TTLL5: variants seen among roughly 807,000 people sequenced by gnomAD.
The protein encoded by TTLL5 is tubulin polyglutamylase TTLL5.
In TTLL5, 132 loss-of-function variants were observed where a neutral mutation model predicts 168.4. The observed-to-expected ratio is 0.78, with a 90% CI of 0.68 to 0.91. The LOEUF is 0.91. Among genes scored for constraint, TTLL5 ranks in the 40% least tolerant of loss-of-function variants. The pLI is 0.00. For synonymous variants in TTLL5, 546 were observed against 558.6 expected, an observed-to-expected ratio of 0.98 and a Z score of 0.32; for missense variants, 1,545 against 1,581.5, an observed-to-expected ratio of 0.98 and a Z score of 0.39.
intron 28 of TTLL5, among the ~76,000 whole-genome samples, chr14:75,844,511 T>G (rs1896439312): frequency 6.6e-6 from 1 of 152,204 alleles, no homozygotes; most frequent in East Asian, 1.9e-4. Flanking sequence ...CATCAAGACT[T>G]AGGTTCAAAA....
chr14:75,932,157 ACTT>A (rs1363064761), intron 31 of TTLL5, among the ~76,000 whole-genome samples: 3 of 152,202 alleles, frequency 2.0e-5, no homozygotes, highest in Non-Finnish European at 2.9e-5. Context: ...CTACTTCTGT[ACTT>A]CTTGTGTCCT....
intron 30 of TTLL5, among the ~76,000 whole-genome samples, chr14:75,900,674 T>C (rs1406637791): frequency 6.6e-6 from 1 of 152,190 alleles, no homozygotes; most frequent in Admixed American, 6.5e-5. Flanking sequence ...CAAGCCCCTT[T>C]CTGCCTCAGA....
At chr14:75,713,101 G>C (rs770560121) in intron 9 of TTLL5, among the ~76,000 whole-genome samples, 4 of 152,168 alleles carry the variant, frequency 2.6e-5, no homozygotes, top group African/African-American at 9.7e-5. Flanking sequence ...TGACTCCATC[G>C]TGTAAATTTT....
At chr14:75,711,225 G>A (rs974663571) in intron 9 of TTLL5, 2 of 152,176 alleles carry the variant, frequency 1.3e-5, no homozygotes, top group South Asian at 4.1e-4. Flanking sequence ...TGGTATTTGG[G>A]TGCAGCTTTT....
chr14:75,830,859 TC>T (rs983412089), intron 28 of TTLL5, among the ~76,000 whole-genome samples: 3 of 152,190 alleles, frequency 2.0e-5, no homozygotes, highest in African/African-American at 7.2e-5. Context: ...ATTGCAGTCT[TC>T]CTGCAACCTT....
intron 30 of TTLL5, among the ~76,000 whole-genome samples, chr14:75,898,378 A>AT (rs1182543959): frequency 5.9e-5 from 9 of 152,176 alleles, no homozygotes; most frequent in Admixed American, 5.9e-4. Context: ...GCAGTGGCTT[A>AT]TATCTATAGT....
chr14:75,663,440 G>A (rs757951397), intron 2 of TTLL5, among the ~76,000 whole-genome samples: 1 of 152,152 alleles, frequency 6.6e-6, no homozygotes, highest in Admixed American at 6.5e-5. Context: ...AATGAGATAA[G>A]GCTCTCTTTC....
chr14:75,793,138 C>T (rs371599747), intron 27 of TTLL5, 38 bp downstream of exon 27: 1 of 1,498,406 alleles, frequency 6.7e-7, no homozygotes, highest in Non-Finnish European at 9.0e-7. Context: ...CTCTTTGGAC[C>T]TGAGGATAGA....
chr14:75,780,335 C>T (rs1483672392), intron 24 of TTLL5, among the ~76,000 whole-genome samples: 2 of 152,184 alleles, frequency 1.3e-5, no homozygotes, highest in African/African-American at 2.4e-5. Flanking sequence ...ATGCCATTAG[C>T]TTCCGCCAGC....
At chr14:75,692,234 TA>T (rs1055469636) in intron 6 of TTLL5, among the ~76,000 whole-genome samples, 1 of 152,200 alleles carries the variant, frequency 6.6e-6, no homozygotes, top group African/African-American at 2.4e-5. Flanking sequence ...TAGTGCCTGA[TA>T]GGGGTGGCTT....
In TTLL5 at chr14:75,702,292, T is replaced by A. The variant is rs117355108; in HGVS notation, c.585+3022T>A. ...CCTTGGCTCTGTCTCCTCTTGTCTC[T>A]GCTCTGACGTTGGTGTTGAAGGCCC... On this transcript the variant is annotated intron_variant, in intron 7 of 31. Transcript: ENST00000298832. 7.1e-4 allele frequency among the ~76,000 whole-genome samples: 108 copies of A among 152,352 alleles called. 1 individual carries two copies. In the Middle Eastern group the frequency reaches 0.01, roughly 14 times the overall value.
intron 27 of TTLL5, among the ~76,000 whole-genome samples, chr14:75,808,927 T>A (rs1893814345): frequency 6.6e-6 from 1 of 151,942 alleles, no homozygotes; most frequent in African/African-American, 2.4e-5. Context: ...GCCCAGCTGA[T>A]CCTGTCAGAT....
intron 12 of TTLL5, among the ~76,000 whole-genome samples, chr14:75,731,061 G>A (rs1216755878): frequency 6.6e-6 from 1 of 152,114 alleles, no homozygotes; most frequent in Non-Finnish European, 1.5e-5. Flanking sequence ...CAGACTCCCT[G>A]TGTTCTAGAA....
chr14:75,750,433 T>C (rs1889877370), intron 17 of TTLL5, among the ~76,000 whole-genome samples: 1 of 151,374 alleles, frequency 6.6e-6, no homozygotes, highest in South Asian at 2.1e-4. Context: ...AAATTATACA[T>C]GGATTCTCTT....
At chr14:75,881,362 G>T (rs1395991612) in intron 29 of TTLL5, among the ~76,000 whole-genome samples, 1 of 152,120 alleles carries the variant, frequency 6.6e-6, no homozygotes, top group Non-Finnish European at 1.5e-5. Flanking sequence ...AAATCTCTTT[G>T]TTCTTTGTCA....
At chr14:75,720,810 G>C in intron 12 of TTLL5, 107 bp downstream of exon 12, 1 of 871,814 alleles carries the variant, frequency 1.1e-6, no homozygotes, top group Non-Finnish European at 1.9e-6. Flanking sequence ...TAAGAGGTAT[G>C]TGATGGACTC....
chr14:75,764,596 C>T lies in TTLL5; in HGVS notation c.1551-19C>T. 1 of 1,613,288 alleles carries T rather than the reference C, an allele frequency of 6.2e-7. No homozygotes were observed. Among genetic ancestry groups the T allele is most frequent in the Non-Finnish European group, 8.5e-7 (1 of 1,179,330 alleles). On this transcript the variant is annotated intron_variant, in intron 18 of 31. Coordinates refer to ENST00000298832, the MANE Select transcript of TTLL5 (RefSeq NM_015072.5). Reference sequence around the variant, plus strand: ...AGAACTTTCTGAAGGCCATAGCTACCATGTTGCTTTTCCCCTAGAATGACT... The same window carrying T: ...AGAACTTTCTGAAGGCCATAGCTACTATGTTGCTTTTCCCCTAGAATGACT...
At chr14:75,699,057 C>G in intron 6 of TTLL5, 131 bp from the exon 7 acceptor site, 1 of 742,358 alleles carries the variant, frequency 1.3e-6, no homozygotes. Context: ...AGTTACTGCC[C>G]AACACTTAGA....
At chr14:75,871,351 G>A (rs1324663175) in intron 29 of TTLL5, among the ~76,000 whole-genome samples, 1 of 152,042 alleles carries the variant, frequency 6.6e-6, no homozygotes, top group Non-Finnish European at 1.5e-5. Flanking sequence ...CAAAGAGTTT[G>A]GGTAACTTAG....
Sources: gnomAD v4.1 joint callset for allele counts (sites outside exome capture counted in the v4.1 genomes callset) on GRCh38, gnomAD v4.1.1 for gene constraint, MANE v1.5 for transcripts, NCBI Gene and HGNC (gene_info 2026-07-23, HGNC 2026-07-21) for gene names.